PDE4B: variants seen among roughly 807,000 people sequenced by gnomAD.
PDE4B encodes the protein phosphodiesterase 4B.
Under a neutral mutation model 82.2 loss-of-function variants are expected in PDE4B, and 20 were observed. That is an observed-to-expected ratio of 0.24 (90% CI 0.17 to 0.35). PDE4B has a LOEUF of 0.35. Ranked by LOEUF, PDE4B falls within the 10% of genes least tolerant of loss-of-function variation. PDE4B has a pLI of 1.00. For synonymous variants in PDE4B, 320 were observed against 318.9 expected (o/e 1.00, Z -0.04); for missense variants, 655 against 907.2 (o/e 0.72, Z 3.57).
chr1:66,223,459 TC>T (rs2101611404), intron 3 of PDE4B, among the ~76,000 whole-genome samples: 1 of 152,296 alleles, frequency 6.6e-6, no homozygotes, highest in East Asian at 1.9e-4. Context: ...AGTCCAAGCC[TC>T]CCATAATCAT....
intron 3 of PDE4B, among the ~76,000 whole-genome samples, chr1:66,175,611 G>T (rs185302406): frequency 0.011 from 1,680 of 152,098 alleles, 35 homozygotes; most frequent in African/African-American, 0.038. Context: ...TTCTTTTTTG[G>T]GCACCGTGGA....
chr1:66,129,416 G>A (rs1344699351), intron 3 of PDE4B, among the ~76,000 whole-genome samples: 1 of 151,934 alleles, frequency 6.6e-6, no homozygotes, highest in African/African-American at 2.4e-5. Flanking sequence ...CCAGCACTTT[G>A]GGAGGCCGAG....
At chr1:66,065,736 G>C (rs1655812645) in intron 3 of PDE4B, among the ~76,000 whole-genome samples, 1 of 151,842 alleles carries the variant, frequency 6.6e-6, no homozygotes, top group African/African-American at 2.4e-5. Context: ...TAGCTAGTTA[G>C]TAGCAGAGTG....
intron 1 of PDE4B, among the ~76,000 whole-genome samples, chr1:65,854,797 C>T (rs1646373426): frequency 6.6e-6 from 1 of 151,578 alleles, no homozygotes; most frequent in Non-Finnish European, 1.5e-5. Flanking sequence ...CCATTTTCCC[C>T]ATCTTTCCTC....
intron 3 of PDE4B, among the ~76,000 whole-genome samples, chr1:66,093,197 G>A (rs1645057114): frequency 6.6e-6 from 1 of 152,006 alleles, no homozygotes; most frequent in African/African-American, 2.4e-5. Context: ...CAATTATCCA[G>A]GCAGGAAGAT....
intron 3 of PDE4B, among the ~76,000 whole-genome samples, chr1:66,047,555 G>A (rs758021247): frequency 2.0e-5 from 3 of 151,942 alleles, no homozygotes; most frequent in Admixed American, 6.6e-5. Context: ...CCATATGGAT[G>A]TTCTGAGATA....
At position 65,919,160 on chromosome 1, in the gene PDE4B, T is replaced by A. The variant is rs564578339; in HGVS notation, c.281+325T>A. Reference sequence around the variant, plus strand: ...AGCTATACAGTGTGCATCAGTATTTTTTGACTTAGAAAAACAAATTACATG... The same window carrying A: ...AGCTATACAGTGTGCATCAGTATTTATTGACTTAGAAAAACAAATTACATG... On this transcript the variant is annotated intron_variant, in intron 3 of 16. Coordinates refer to ENST00000341517, the MANE Select transcript of PDE4B (RefSeq NM_002600.4). 2.6e-5 allele frequency among the ~76,000 whole-genome samples: 4 copies of A among 152,340 alleles called. No homozygotes were observed. In the South Asian group the frequency reaches 8.3e-4, roughly 32 times the overall value.
At chr1:66,316,672 T>C (rs1051797879) in intron 7 of PDE4B, among the ~76,000 whole-genome samples, 4 of 152,248 alleles carry the variant, frequency 2.6e-5, no homozygotes, top group Admixed American at 6.5e-5. Flanking sequence ...CTGAAATCTT[T>C]AATCACATTT....
rs1231551018 is a variant in PDE4B, at chr1:66,340,667, G to A, written c.747+8047G>A. 2.0e-5 allele frequency among the ~76,000 whole-genome samples: 3 copies of A among 151,984 alleles called. 1 individual carries two copies. Among genetic ancestry groups the A allele is most frequent in the Admixed American group, 2.0e-4 (3 of 15,274 alleles). On this transcript the variant is annotated intron_variant, in intron 8 of 16. Transcript: ENST00000341517. ...CCCCTCACTCTTTGCTAACAGCATAGTGCATAATGTTTTAACTTTAAGCAA... is the reference window on the plus strand; with the variant it reads ...CCCCTCACTCTTTGCTAACAGCATAATGCATAATGTTTTAACTTTAAGCAA...
intron 3 of PDE4B, among the ~76,000 whole-genome samples, chr1:66,014,509 C>A (rs573387094): frequency 6.6e-6 from 1 of 152,082 alleles, no homozygotes; most frequent in East Asian, 1.9e-4. Flanking sequence ...TTTGCAGTAT[C>A]CAGTATCTTT....
At chr1:66,238,921 A>G (rs1338523903) in intron 3 of PDE4B, among the ~76,000 whole-genome samples, 2 of 152,234 alleles carry the variant, frequency 1.3e-5, no homozygotes, top group African/African-American at 4.8e-5. Flanking sequence ...TTTATCTGCA[A>G]TATTTTAGAT....
At chr1:66,003,305 C>T (rs1181142755) in intron 3 of PDE4B, among the ~76,000 whole-genome samples, 6 of 151,212 alleles carry the variant, frequency 4.0e-5, no homozygotes, top group Admixed American at 6.6e-5. Context: ...CTTACATTCC[C>T]GATAAGAAAT....
rs536017330 is a variant in PDE4B at position 65,988,487 on chromosome 1, G to T, written c.281+69652G>T. Among the ~76,000 whole-genome samples, 5 of 152,220 alleles carry T rather than the reference G, an allele frequency of 3.3e-5. No homozygotes were observed. The South Asian group carries it at 1.0e-3, about 32-fold the overall frequency. On this transcript the variant is annotated intron_variant, in intron 3 of 16. Coordinates refer to ENST00000341517, the MANE Select transcript of PDE4B (RefSeq NM_002600.4). ...TACCTTGTCTTTGACTGAAGGAAGG[G>T]ATCTTGTATAGCTTTACTTGAATAG...
intron 3 of PDE4B, among the ~76,000 whole-genome samples, chr1:65,947,649 T>A (rs1300395123): frequency 6.6e-6 from 1 of 151,892 alleles, no homozygotes; most frequent in Non-Finnish European, 1.5e-5. Context: ...AAAGGGAAAT[T>A]TAGACACAGC....
chr1:66,051,072 A>AT (rs1654998706), intron 3 of PDE4B, among the ~76,000 whole-genome samples: 1 of 152,070 alleles, frequency 6.6e-6, no homozygotes, highest in Admixed American at 6.6e-5. Context: ...TAAAAGTTAA[A>AT]TTTTCTTCTA....
At chr1:66,089,359 G>A (rs1377148124) in intron 3 of PDE4B, among the ~76,000 whole-genome samples, 4 of 152,016 alleles carry the variant, frequency 2.6e-5, no homozygotes, top group Admixed American at 6.6e-5. Context: ...GGTGGCTATC[G>A]CTCTCAGATT....
At chr1:66,031,728 A>G (rs1333411589) in intron 3 of PDE4B, among the ~76,000 whole-genome samples, 1 of 152,226 alleles carries the variant, frequency 6.6e-6, no homozygotes, top group Non-Finnish European at 1.5e-5. Context: ...CAAGATTATC[A>G]TGGAAAAATA....
intron 1 of PDE4B, among the ~76,000 whole-genome samples, chr1:65,842,269 T>C (rs532435745): frequency 1.3e-5 from 2 of 152,284 alleles, no homozygotes; most frequent in Admixed American, 1.3e-4. Context: ...AAAGTGGTTT[T>C]TTTTGCAGGA....
intron 1 of PDE4B, among the ~76,000 whole-genome samples, chr1:65,869,061 A>G (rs773141852): frequency 5.3e-5 from 8 of 152,224 alleles, no homozygotes; most frequent in Non-Finnish European, 1.0e-4. Context: ...GGATCAGTCC[A>G]GACAGAGGAA....
Sources: gnomAD v4.1 joint callset for allele counts (sites outside exome capture counted in the v4.1 genomes callset) on GRCh38, gnomAD v4.1.1 for gene constraint, MANE v1.5 for transcripts, NCBI Gene and HGNC (gene_info 2026-07-23, HGNC 2026-07-21) for gene names.